Variants in MYRFL observed in about 807,000 individuals in gnomAD.
MYRFL encodes the protein myelin regulatory factor like, also known as myelin regulatory factor-like protein.
A neutral mutation model predicts 109.4 loss-of-function variants in MYRFL; 88 were observed. The ratio of observed to expected loss-of-function variants is 0.80; its 90% CI spans 0.68 to 0.96. The LOEUF is 0.96. Ranked by LOEUF, MYRFL falls within the 40% of genes least tolerant of loss-of-function variation. The pLI is 0.00. For missense variants in MYRFL, 957 were observed against 954.9 expected, an observed-to-expected ratio of 1.00 and a Z score of -0.03; for synonymous variants, 324 against 320.9, an observed-to-expected ratio of 1.01 and a Z score of -0.10.
chr12:69,892,441 C>T (rs907415857), intron 7 of MYRFL, among the ~76,000 whole-genome samples: 3 of 152,284 alleles, frequency 2.0e-5, no homozygotes, highest in South Asian at 2.1e-4. Flanking sequence ...GACAGGGTTT[C>T]GCTCTGTCGC....
intron 1 of MYRFL, among the ~76,000 whole-genome samples, chr12:69,827,279 A>G (rs10879022): frequency 0.31 from 46,387 of 151,934 alleles, 7,413 homozygotes; most frequent in Middle Eastern, 0.45. Flanking sequence ...CCTTATAAAC[A>G]TTTTTATATT....
chr12:69,861,506 G>A (rs1398212579), intron 2 of MYRFL, among the ~76,000 whole-genome samples: 2 of 152,054 alleles, frequency 1.3e-5, no homozygotes, highest in Admixed American at 6.5e-5. Flanking sequence ...CAGTGATGAT[G>A]AGCATTTTTT....
In MYRFL at chr12:69,927,723, G is replaced by T. The variant is rs1257412661; in HGVS notation, c.1805G>T (p.Arg602Met). 5 of 1,533,128 alleles carry T rather than the reference G, an allele frequency of 3.3e-6. No individual in the cohort carries two copies. The highest frequency in any genetic ancestry group is 3.5e-6 in the Non-Finnish European group (4 of 1,146,234). 95.0% of individuals were successfully genotyped at this position (1,533,128 alleles called of 1,614,324 possible). A position where few individuals can be genotyped will look rare whatever the true frequency, so the allele number is the denominator to read the frequency against. The change falls in exon 15 of 25, where the codon AGG becomes ATG. Residue 602 changes from arginine (R) to methionine (M), a missense_variant. Coordinates refer to ENST00000552032, the MANE Select transcript of MYRFL (RefSeq NM_182530.3). Reference sequence around the variant, plus strand: ...GCCGTTAGTGCATCTTCTCCAAGAAGGGCCGTTCATAAAAAAAACAACAAG... The same window carrying T: ...GCCGTTAGTGCATCTTCTCCAAGAATGGCCGTTCATAAAAAAAACAACAAG... ...SRAVSASSPR[R>M]AVHKKNNKVY...
At position 69,953,764 on chromosome 12, in the gene MYRFL, GACACACACACAC is replaced by G. The variant is rs143170206; in HGVS notation, c.2375+901_2375+912del. On this transcript the variant is annotated intron_variant, in intron 21 of 24. Transcript: ENST00000552032. The stretch of plus-strand genomic sequence containing the variant: ...AGCCTGGATGACAAAGTGCAACCCG[GACACACACACAC>G]ACACACACACACACACACACACGGA... Among the ~76,000 whole-genome samples the G allele has an allele frequency of 6.2e-5, 9 of 144,284 alleles. No individual in the cohort carries two copies. The South Asian group carries it at 6.9e-4, about 11-fold the overall frequency. 94.7% of individuals were successfully genotyped at this position (144,284 alleles called of 152,430 possible). A position where few individuals can be genotyped will look rare whatever the true frequency, so the allele number is the denominator to read the frequency against.
intron 13 of MYRFL, among the ~76,000 whole-genome samples, chr12:69,922,436 TA>T (rs1208620321): frequency 6.6e-6 from 1 of 152,086 alleles, no homozygotes; most frequent in Non-Finnish European, 1.5e-5. Flanking sequence ...TTTTGTGATT[TA>T]AAAAAACACT....
At position 69,897,223 on chromosome 12, in the gene MYRFL, A is replaced by G. The variant is rs2136342358; in HGVS notation, c.1159A>G (p.Ile387Val). ...CCAGTTCTATCTGTTGTCTGCCCACATCTCTGAAAGGATCATTGTAAGGGT... is the reference window on the plus strand; with the variant it reads ...CCAGTTCTATCTGTTGTCTGCCCACGTCTCTGAAAGGATCATTGTAAGGGT... ...QDQFYLLSAHISERIIVRASN... is the reference protein window; with the variant it reads ...QDQFYLLSAHVSERIIVRASN... Residue 387 changes from isoleucine (I) to valine (V), a missense_variant, in exon 10 of 25, where the codon ATC (isoleucine) becomes GTC (valine). Physicochemically the swap from Ile to Val is conservative, Grantham distance 29 (BLOSUM62 3). Coordinates refer to ENST00000552032, the MANE Select transcript of MYRFL (RefSeq NM_182530.3). The G allele has an allele frequency of 1.3e-6, 2 of 1,535,778 alleles. No individual in the cohort carries two copies. The highest frequency in any genetic ancestry group is 2.4e-5 in the East Asian group (1 of 40,924).
At chr12:69,831,665 T>C (rs1463018023) in intron 1 of MYRFL, among the ~76,000 whole-genome samples, 3 of 152,196 alleles carry the variant, frequency 2.0e-5, no homozygotes, top group Admixed American at 2.0e-4. Flanking sequence ...TTTTAGTTCC[T>C]AGTATTCTCA....
chr12:69,927,224 C>A (rs577511729), intron 14 of MYRFL, among the ~76,000 whole-genome samples: 15 of 151,724 alleles, frequency 9.9e-5, no homozygotes, highest in Non-Finnish European at 1.6e-4. Flanking sequence ...GGATTATAGG[C>A]GTGAGCCACC....
At chr12:69,930,070 C>T (rs1019327222) in intron 15 of MYRFL, among the ~76,000 whole-genome samples, 14 of 152,192 alleles carry the variant, frequency 9.2e-5, no homozygotes, top group African/African-American at 3.4e-4. Context: ...GCTAACAGAT[C>T]TGAGCTCTTC....
At chr12:69,934,336 C>A (rs574298194) in intron 16 of MYRFL, among the ~76,000 whole-genome samples, 67 of 152,212 alleles carry the variant, frequency 4.4e-4, no homozygotes, top group Non-Finnish European at 8.7e-4. Flanking sequence ...AGGCATGTCA[C>A]CCCAAGGGGA....
chr12:69,897,893 T>A (rs1393846344), intron 10 of MYRFL, among the ~76,000 whole-genome samples: 3 of 152,196 alleles, frequency 2.0e-5, no homozygotes, highest in Non-Finnish European at 4.4e-5. Flanking sequence ...GAATGAATGA[T>A]TGGTCACAGC....
At chr12:69,932,623 C>T (rs1337162618) in intron 16 of MYRFL, 25 bp downstream of exon 16, 6 of 1,479,126 alleles carry the variant, frequency 4.1e-6, no homozygotes, top group Admixed American at 3.9e-5. Context: ...ACTGTTATGC[C>T]ATGTCAAGCT....
intron 11 of MYRFL, 88 bp from the exon 12 acceptor site, chr12:69,909,880 AT>A: frequency 1.1e-6 from 1 of 899,474 alleles, no homozygotes; most frequent in East Asian, 2.9e-5. Context: ...TCCAAAAGCA[AT>A]TCAGTGATGT....
rs79531750 is a variant in MYRFL at position 69,886,683 on chromosome 12, C to G, written c.557-137C>G. ...ATGAGAAAATGAGGTCAGCAACACA[C>G]CTCCTACCCCCAGCACATGACACTT... On this transcript the variant is annotated intron_variant, in intron 5 of 24. Coordinates refer to ENST00000552032, the MANE Select transcript of MYRFL (RefSeq NM_182530.3). 132 of 1,055,940 alleles carry G rather than the reference C, an allele frequency of 1.3e-4. No individual in the cohort carries two copies. In the East Asian group the frequency reaches 3.4e-3, roughly 27 times the overall value. 65.4% of individuals were successfully genotyped at this position (1,055,940 alleles called of 1,614,324 possible).
chr12:69,892,703 C>T (rs1886987337), intron 7 of MYRFL, among the ~76,000 whole-genome samples: 1 of 152,152 alleles, frequency 6.6e-6, no homozygotes, highest in Non-Finnish European at 1.5e-5. Flanking sequence ...TACATATAAA[C>T]ATCAAACAAA....
chr12:69,863,567 C>G (rs1884829380), intron 2 of MYRFL, among the ~76,000 whole-genome samples: 1 of 152,142 alleles, frequency 6.6e-6, no homozygotes, highest in Admixed American at 6.5e-5. Context: ...CCATAAAAGT[C>G]CCATTTCTCT....
intron 2 of MYRFL, among the ~76,000 whole-genome samples, chr12:69,866,094 A>G (rs1885001465): frequency 6.6e-6 from 1 of 152,106 alleles, no homozygotes; most frequent in Non-Finnish European, 1.5e-5. Context: ...CTCTAGAAAC[A>G]TGCCTTTTCT....
chr12:69,879,168 G>A (rs1259420734), intron 3 of MYRFL, 27 bp from the exon 4 acceptor site: 1 of 702,802 alleles, frequency 1.4e-6, no homozygotes, highest in South Asian at 1.5e-5. Context: ...TGAGAAAGGG[G>A]CACTTCCTGC....
chr12:69,848,310 A>T (rs1386256099), intron 1 of MYRFL, among the ~76,000 whole-genome samples: 2 of 151,946 alleles, frequency 1.3e-5, no homozygotes, highest in African/African-American at 4.8e-5. Flanking sequence ...CTTTAGAATC[A>T]GTTTGTTTCC....
Sources: allele counts gnomAD v4.1 joint callset (sites outside exome capture counted in the v4.1 genomes callset), GRCh38; gene constraint gnomAD v4.1.1; transcripts MANE v1.5; gene names NCBI Gene and HGNC (gene_info 2026-07-23, HGNC 2026-07-21).